Variants in SLC35B1 observed in about 807,000 individuals in gnomAD.
SLC35B1 encodes solute carrier family 35 member B1.
A neutral mutation model predicts 36.6 loss-of-function variants in SLC35B1; 27 were observed. The observed-to-expected ratio is 0.74, with a 90% CI of 0.54 to 1.02. SLC35B1 has a LOEUF of 1.02. Among genes scored for constraint, SLC35B1 ranks in the 50% least tolerant of loss-of-function variants. SLC35B1 has a pLI of 0.00. For missense variants in SLC35B1, 321 were observed against 383.2 expected, an observed-to-expected ratio of 0.84 and a Z score of 1.35; for synonymous variants, 162 against 152.5, an observed-to-expected ratio of 1.06 and a Z score of -0.46.
At chr17:49,706,426 A>G (rs1360425993) in intron 2 of SLC35B1, 92 bp from the exon 3 acceptor site, 3 of 1,247,628 alleles carry the variant, frequency 2.4e-6, no homozygotes, top group African/African-American at 3.1e-5. Flanking sequence ...ATGGACCACT[A>G]AGCAAAGCTG....
intron 4 of SLC35B1, 111 bp from the exon 5 acceptor site, chr17:49,705,392 G>T: frequency 8.7e-7 from 1 of 1,145,046 alleles, no homozygotes; most frequent in Non-Finnish European, 1.2e-6. Flanking sequence ...GAATGACTGA[G>T]AAGGAAGGCT....
Position 49,705,114 on chromosome 17 carries a change from G to C in SLC35B1, c.528+10C>G. 6.2e-7 allele frequency: 1 copy of C among 1,613,780 alleles called. No homozygotes were observed. Among genetic ancestry groups the C allele is most frequent in the East Asian group, 2.2e-5 (1 of 44,880 alleles). ...TGGAAAAGGGTGCCTTCCCCAACAG[G>C]ATCTCATACCAAGAGTAGCTCTCCA... is the stretch of plus-strand genomic sequence containing the variant. On this transcript the variant is annotated intron_variant, in intron 5 of 8. Coordinates refer to ENST00000240333, the MANE Select transcript of SLC35B1 (RefSeq NM_005827.4).
upstream of SLC35B1, chr17:49,708,186 A>T (rs1311943008): frequency 1.1e-5 from 7 of 639,426 alleles, 1 homozygote; most frequent in Middle Eastern, 1.5e-3. Flanking sequence ...CCAGAGCACC[A>T]CAGGGTGTCC....
At chr17:49,707,618 G>A (rs1379261888) in intron 1 of SLC35B1, 112 bp downstream of exon 1, 7 of 1,451,634 alleles carry the variant, frequency 4.8e-6, no homozygotes, top group East Asian at 2.5e-5. Context: ...GTGCTAAGAG[G>A]GCGACAGCCG....
chr17:49,703,335 A>G, intron 6 of SLC35B1, 41 bp from the exon 7 acceptor site: 8 of 1,183,720 alleles, frequency 6.8e-6, no homozygotes, highest in Non-Finnish European at 8.6e-6. Context: ...CATTTTGTGC[A>G]CACAAAATGT....
chr17:49,705,982 G>T, intron 3 of SLC35B1, 86 bp from the exon 4 acceptor site: 2 of 1,417,308 alleles, frequency 1.4e-6, no homozygotes, highest in East Asian at 4.6e-5. Context: ...AGATGAGTAA[G>T]CACAGGGCCT....
chr17:49,708,026 T>G (rs756989133), upstream of SLC35B1: 18 of 1,240,258 alleles, frequency 1.5e-5, no homozygotes, highest in South Asian at 1.1e-4. Context: ...AGGGGGAAAC[T>G]CCTCAGAACC....
At chr17:49,706,841 G>GT in intron 2 of SLC35B1, 124 bp downstream of exon 2, 2 of 705,790 alleles carry the variant, frequency 2.8e-6, no homozygotes, top group Non-Finnish European at 5.1e-6. Flanking sequence ...GAGAGGCTGT[G>GT]TAAGTACAAA....
At chr17:49,705,937 T>A in intron 3 of SLC35B1, 41 bp from the exon 4 acceptor site, 1 of 1,602,354 alleles carries the variant, frequency 6.2e-7, no homozygotes, top group Non-Finnish European at 8.6e-7. Context: ...GCATCTGTGA[T>A]GTGTCAGGTA....
At chr17:49,705,486 G>T in intron 4 of SLC35B1, 2 of 601,102 alleles carry the variant, frequency 3.3e-6, no homozygotes, top group South Asian at 4.3e-5. Flanking sequence ...GGAGGAGGTA[G>T]AGAACAAAGG....
chr17:49,706,117 T>C lies in SLC35B1; in HGVS notation c.339+87A>G, dbSNP rs1262023770. ...GGACCGTTATCTTTTTTTTTTTTTTTTTTTTAACTCACAGACCTGAGGGAA... is the reference window on the plus strand; with the variant it reads ...GGACCGTTATCTTTTTTTTTTTTTTCTTTTTAACTCACAGACCTGAGGGAA... On this transcript the variant is annotated intron_variant, in intron 3 of 8. Transcript: ENST00000240333. The C allele has an allele frequency of 2.9e-6, 4 of 1,380,144 alleles. No homozygotes were observed. In the African/African-American group the frequency reaches 5.9e-5, roughly 20 times the overall value. The allele number at this position is 1,380,144 out of a possible 1,614,324, so 85.5% of individuals were successfully genotyped here.
chr17:49,706,122 T>TTAAAAA, intron 3 of SLC35B1, 82 bp downstream of exon 3: 1 of 1,239,702 alleles, frequency 8.1e-7, no homozygotes, highest in Non-Finnish European at 1.1e-6. Flanking sequence ...TTTTTTTTTT[T>TTAAAAA]AACTCACAGA....
In SLC35B1 at chr17:49,707,761, A is replaced by AGCAGACAAAGACACCCAGGAAGCAGAGCG. The variant is rs1290058559; in HGVS notation, c.44_72dup (p.Tyr25ArgfsTer21). The AGCAGACAAAGACACCCAGGAAGCAGAGCG allele has an allele frequency of 6.2e-7, 1 of 1,611,958 alleles. No individual in the cohort carries two copies. Among genetic ancestry groups the AGCAGACAAAGACACCCAGGAAGCAGAGCG allele is most frequent in the African/African-American group, 1.3e-5 (1 of 74,876 alleles). ...TCCTGCAGGATCCCATAGTAAAAAT[A>AGCAGACAAAGACACCCAGGAAGCAGAGCG]GCAGACAAAGACACCCAGGAAGCAG... On this transcript the variant is annotated frameshift_variant, in exon 1 of 9. Transcript: ENST00000240333. LOFTEE classifies it high-confidence loss of function.
At chr17:49,705,439 A>C in intron 4 of SLC35B1, 158 bp from the exon 5 acceptor site, 1 of 712,950 alleles carries the variant, frequency 1.4e-6, no homozygotes, top group Non-Finnish European at 2.3e-6. Flanking sequence ...GCTGGCACCT[A>C]GATAAGGATT....
chr17:49,705,862 T>C lies in SLC35B1; in HGVS notation c.370+4A>G. The stretch of plus-strand genomic sequence containing the variant: ...AGAAGAGGAAGACCATCTTCTTTGC[T>C]TACCTGGGATTGGCTTGCAGGATTT... On this transcript the variant is annotated splice_donor_region_variant and intron_variant, in intron 4 of 8. Transcript: ENST00000240333. 1 of 1,613,990 alleles carries C rather than the reference T, an allele frequency of 6.2e-7. No homozygotes were observed. The highest frequency in any genetic ancestry group is 1.7e-5 in the Admixed American group (1 of 60,026).
At position 49,705,217 on chromosome 17, in the gene SLC35B1, C is replaced by A. The variant is rs372319560; in HGVS notation, c.435G>T (p.Leu145=). 61 of 1,614,104 alleles carry A rather than the reference C, an allele frequency of 3.8e-5. No homozygotes were observed. Among genetic ancestry groups the A allele is most frequent in the Non-Finnish European group, 4.7e-5 (56 of 1,180,036 alleles). The stretch of plus-strand genomic sequence containing the variant: ...AAAGGGCCACTCCAGCCACAATTAA[C>A]AGCACACACAGGTACTTGGCCAACG... ...KYPLAKYLCV[L]LIVAGVALFM... Residue 145 remains leucine (L), a synonymous_variant, in exon 5 of 9, where the codon CTG becomes CTT. Coordinates refer to ENST00000240333, the MANE Select transcript of SLC35B1 (RefSeq NM_005827.4).
At position 49,707,480 on chromosome 17, in the gene SLC35B1, C is replaced by G. The variant is rs748616253; in HGVS notation, c.104+250G>C. Reference sequence around the variant, plus strand: ...AATAGAAGTCTCAGCCTGTAAAACGCAGGCCCTTAGAACCAAGCGGGGAAA... The same window carrying G: ...AATAGAAGTCTCAGCCTGTAAAACGGAGGCCCTTAGAACCAAGCGGGGAAA... On this transcript the variant is annotated intron_variant, in intron 1 of 8. Transcript: ENST00000240333. 37 of 1,486,572 alleles carry G rather than the reference C, an allele frequency of 2.5e-5. No homozygotes were observed. The South Asian group carries it at 4.4e-4, about 18-fold the overall frequency. 92.1% of individuals were successfully genotyped at this position (1,486,572 alleles called of 1,614,324 possible). A position where few individuals can be genotyped will look rare whatever the true frequency, so the allele number is the denominator to read the frequency against.
Position 49,707,839 on chromosome 17 carries a change from G to C in SLC35B1, c.-6C>G. On this transcript the variant is annotated 5_prime_UTR_variant, in exon 1 of 9. Coordinates refer to ENST00000240333, the MANE Select transcript of SLC35B1 (RefSeq NM_005827.4). ...AGGGAGCTGCTAGAGGCCATGAGACGCCCAGAGGAGCCGACTGGAGACCCG... is the reference window on the plus strand; with the variant it reads ...AGGGAGCTGCTAGAGGCCATGAGACCCCCAGAGGAGCCGACTGGAGACCCG... 1 of 1,611,400 alleles carries C rather than the reference G, an allele frequency of 6.2e-7. No homozygotes were observed. Among genetic ancestry groups the C allele is most frequent in the Middle Eastern group, 2.2e-4 (1 of 4,626 alleles).
At chr17:49,705,789 G>T in intron 4 of SLC35B1, 77 bp downstream of exon 4, 2 of 1,409,218 alleles carry the variant, frequency 1.4e-6, no homozygotes, top group Non-Finnish European at 2.0e-6. Context: ...AAGCCGAGAG[G>T]GACACAGTTG....
Sources: gnomAD v4.1 joint callset for allele counts on GRCh38, gnomAD v4.1.1 for gene constraint, MANE v1.5 for transcripts, NCBI Gene and HGNC (gene_info 2026-07-23, HGNC 2026-07-21) for gene names.